The following DRC8 variants were observed in gnomAD, a reference collection of about 807,000 sequenced individuals.
DRC8 encodes the protein dynein regulatory complex protein 8.
the DRC8 span, among the ~76,000 whole-genome samples, chr1:245,019,785 A>ATAAAAAC: frequency 1.9e-3 from 283 of 152,264 alleles, 2 homozygotes; most frequent in African/African-American, 6.4e-3. Context: ...TCTCCTAAAA[A>ATAAAAAC]TAAAAACTAA....
At chr1:244,970,661 TCTCCC>T in the DRC8 span, 10 of 38,196 alleles carry the variant, frequency 2.6e-4, no homozygotes, top group South Asian at 8.0e-4. Flanking sequence ...GCCCCGCCTC[TCTCCC>T]CCGCCCCGCC....
the DRC8 span, among the ~76,000 whole-genome samples, chr1:245,103,015 AG>A: frequency 4.7e-5 from 7 of 147,474 alleles, no homozygotes; most frequent in African/African-American, 1.9e-4. Context: ...TATGGTCAGG[AG>A]GGGGGACCAG....
the DRC8 span, among the ~76,000 whole-genome samples, chr1:244,984,112 A>G: frequency 2.0e-5 from 3 of 149,100 alleles, no homozygotes; most frequent in Non-Finnish European, 3.0e-5. Flanking sequence ...ATGCCACCGT[A>G]CCTGGCTAAT....
chr1:245,026,035 A>C, the DRC8 span, among the ~76,000 whole-genome samples: 17 of 152,150 alleles, frequency 1.1e-4, no homozygotes, highest in Non-Finnish European at 2.9e-5. Context: ...GGACTAGTAC[A>C]CTGTGTTTAC....
chr1:245,072,403 A>C, the DRC8 span, among the ~76,000 whole-genome samples: 2 of 152,108 alleles, frequency 1.3e-5, no homozygotes, highest in South Asian at 4.1e-4. Context: ...TGCCCAGCTA[A>C]TTTTTAAAAA....
chr1:245,123,105 C>G, the DRC8 span: 1 of 152,158 alleles, frequency 6.6e-6, no homozygotes, highest in African/African-American at 2.4e-5. This position sits in a 1 kb window ranked among gnomAD's most constrained non-coding sequence, Gnocchi z 5.0. Context: ...AAATAAAAAG[C>G]CTCACTTTTT....
At chr1:245,086,045 G>A in the DRC8 span, among the ~76,000 whole-genome samples, 9 of 152,226 alleles carry the variant, frequency 5.9e-5, no homozygotes, top group Non-Finnish European at 1.3e-4. Flanking sequence ...CGACCACGTG[G>A]TTTACTTGGA....
At chr1:245,068,257 G>A in the DRC8 span, among the ~76,000 whole-genome samples, 8 of 151,970 alleles carry the variant, frequency 5.3e-5, no homozygotes, top group Admixed American at 4.6e-4. Context: ...TAATAAATAC[G>A]GTTTTATTCC....
chr1:245,100,460 C>A, the DRC8 span, among the ~76,000 whole-genome samples: 9 of 150,728 alleles, frequency 6.0e-5, no homozygotes, highest in Non-Finnish European at 5.9e-5. Flanking sequence ...TCAGTTTTCC[C>A]GTAAATGAAT....
the DRC8 span, among the ~76,000 whole-genome samples, chr1:245,056,160 A>C: frequency 6.6e-6 from 1 of 152,202 alleles, no homozygotes; most frequent in Non-Finnish European, 1.5e-5. Context: ...CCTCCAAGGC[A>C]TTCTCCACCC....
chr1:244,996,888 T>C, the DRC8 span, among the ~76,000 whole-genome samples: 3 of 152,316 alleles, frequency 2.0e-5, no homozygotes, highest in East Asian at 3.9e-4. Flanking sequence ...GGGGATAGGC[T>C]CCAGGACCTC....
chr1:245,105,533 G>GTATA, the DRC8 span, among the ~76,000 whole-genome samples: 1 of 146,292 alleles, frequency 6.8e-6, no homozygotes, highest in Admixed American at 7.1e-5. Context: ...GGCTCAGGGA[G>GTATA]TATAACCTGA....
At chr1:245,030,245 G>A in the DRC8 span, among the ~76,000 whole-genome samples, 31 of 152,282 alleles carry the variant, frequency 2.0e-4, no homozygotes, top group Admixed American at 3.3e-4. Context: ...GTTTGGAAAC[G>A]GGGCTCCTTT....
the DRC8 span, among the ~76,000 whole-genome samples, chr1:245,057,961 CCT>C: frequency 4.6e-5 from 7 of 152,136 alleles, no homozygotes; most frequent in African/African-American, 1.7e-4. Flanking sequence ...CCCTTCCCAG[CCT>C]CTGGTAACCA....
chr1:244,989,621 TTGTC>T, the DRC8 span, among the ~76,000 whole-genome samples: 1 of 152,174 alleles, frequency 6.6e-6, no homozygotes, highest in Non-Finnish European at 1.5e-5. Context: ...GAGGTAGTGT[TTGTC>T]TGGTTTCTCC....
chr1:245,087,889 A>G, the DRC8 span: 2 of 598,288 alleles, frequency 3.3e-6, no homozygotes, highest in Admixed American at 6.3e-5. Flanking sequence ...ATAATAACTT[A>G]GTGTAAACAT....
At chr1:245,053,503 A>G in the DRC8 span, among the ~76,000 whole-genome samples, 1 of 152,232 alleles carries the variant, frequency 6.6e-6, no homozygotes, top group Non-Finnish European at 1.5e-5. Flanking sequence ...AACCTCATCC[A>G]GTGCAGTAGA....
the DRC8 span, among the ~76,000 whole-genome samples, chr1:245,060,761 T>C: frequency 6.6e-6 from 1 of 152,196 alleles, no homozygotes; most frequent in Admixed American, 6.5e-5. Flanking sequence ...GAAAAATACC[T>C]CCGAAGGTCA....
At chr1:245,119,663 G>C in the DRC8 span, among the ~76,000 whole-genome samples, 1 of 150,930 alleles carries the variant, frequency 6.6e-6, no homozygotes, top group African/African-American at 2.4e-5. Flanking sequence ...GCTGGGCACG[G>C]TGGCTCACGC....
Sources: allele counts gnomAD v4.1 joint callset (sites outside exome capture counted in the v4.1 genomes callset), GRCh38; gene constraint gnomAD v4.1.1; non-coding constraint Gnocchi (gnomAD v3.1); transcripts MANE v1.5; gene names NCBI Gene and HGNC (gene_info 2026-07-23, HGNC 2026-07-21).